The following MYT1L variants were observed in gnomAD, a reference collection of about 807,000 sequenced individuals.
The protein encoded by MYT1L is myelin transcription factor 1-like protein.
A neutral mutation model predicts 126.7 loss-of-function variants in MYT1L; 12 were observed. That is an observed-to-expected ratio of 0.09 (90% CI 0.06 to 0.15). The LOEUF (loss-of-function observed/expected upper bound fraction) is 0.15, where lower values mean the gene tolerates loss of function less well. MYT1L is among the 10% of genes least tolerant of loss of function. MYT1L has a pLI of 1.00. For missense variants in MYT1L, 979 were observed against 1,585.2 expected, an observed-to-expected ratio of 0.62 and a Z score of 6.49; for synonymous variants, 541 against 604.2, an observed-to-expected ratio of 0.90 and a Z score of 1.53.
chr2:1,962,313 T>C (rs1168645589), intron 8 of MYT1L, among the ~76,000 whole-genome samples: 2 of 152,212 alleles, frequency 1.3e-5, no homozygotes, highest in African/African-American at 4.8e-5. Context: ...CAAAAAGTTA[T>C]GGAATATTAA....
At chr2:1,959,929 T>A (rs1017232616) in intron 8 of MYT1L, among the ~76,000 whole-genome samples, 1 of 152,240 alleles carries the variant, frequency 6.6e-6, no homozygotes, top group Admixed American at 6.5e-5. Flanking sequence ...GTGCCATCCA[T>A]TGGCATGCAG....
rs2053027182 is a variant in MYT1L at position 1,917,567 on chromosome 2, GA to G, written c.1484-229del. Among the ~76,000 whole-genome samples the G allele has an allele frequency of 6.6e-6, 1 of 152,104 alleles. No individual in the cohort carries two copies. The highest frequency in any genetic ancestry group is 1.5e-5 in the Non-Finnish European group (1 of 68,008). On this transcript the variant is annotated intron_variant, in intron 10 of 24. Coordinates refer to ENST00000647738, the MANE Select transcript of MYT1L (RefSeq NM_001303052.2). The surrounding 1 kb of genome is among the most constrained non-coding windows in gnomAD (Gnocchi z 5.9). ...AAAGTATTTTAATTTTTATTCTAAA[GA>G]AAAGAAAAGCCTACCCCTCACCTTA...
At chr2:1,944,512 C>G (rs2057012105) in intron 8 of MYT1L, among the ~76,000 whole-genome samples, 1 of 152,116 alleles carries the variant, frequency 6.6e-6, no homozygotes, top group African/African-American at 2.4e-5. Context: ...CATTATTCTG[C>G]AGGGTGAGAG....
At chr2:2,104,213 G>A (rs1327720597) in intron 3 of MYT1L, among the ~76,000 whole-genome samples, 1 of 152,162 alleles carries the variant, frequency 6.6e-6, no homozygotes, top group Non-Finnish European at 1.5e-5. Context: ...CAAAATGCAT[G>A]AAATAACAAG....
chr2:1,972,743 T>C (rs1211206588), intron 8 of MYT1L, among the ~76,000 whole-genome samples: 1 of 152,196 alleles, frequency 6.6e-6, no homozygotes, highest in Non-Finnish European at 1.5e-5. Context: ...GCACCCACAC[T>C]GGCAGGCAAG....
At chr2:2,171,815 C>T (rs890385465) in intron 3 of MYT1L, among the ~76,000 whole-genome samples, 1 of 152,038 alleles carries the variant, frequency 6.6e-6, no homozygotes, top group African/African-American at 2.4e-5. Flanking sequence ...CACCCACAAG[C>T]TTGCAGCATA....
chr2:2,217,706 C>A (rs11334447), intron 2 of MYT1L, among the ~76,000 whole-genome samples: 25,177 of 86,636 alleles, frequency 0.29, 3,778 homozygotes, highest in African/African-American at 0.41. Context: ...ACAACAACAA[C>A]AAAAAAAAAA....
At chr2:2,230,773 C>T (rs1293400480) in intron 2 of MYT1L, among the ~76,000 whole-genome samples, 2 of 152,208 alleles carry the variant, frequency 1.3e-5, no homozygotes, top group African/African-American at 2.4e-5. Context: ...AAGCCATTTT[C>T]CCAGTCTTAC....
chr2:2,002,767 A>T (rs2062524106), intron 4 of MYT1L, among the ~76,000 whole-genome samples: 1 of 152,176 alleles, frequency 6.6e-6, no homozygotes, highest in African/African-American at 2.4e-5. Flanking sequence ...AAGTGGAGGT[A>T]ACTGGATCAC....
chr2:1,856,252 AC>A (rs1471843132), intron 18 of MYT1L, among the ~76,000 whole-genome samples: 1 of 151,894 alleles, frequency 6.6e-6, no homozygotes, highest in Non-Finnish European at 1.5e-5. Context: ...CTTGGACTTG[AC>A]CCCTTGTCCC....
chr2:1,811,196 GC>G lies in MYT1L; in HGVS notation c.3081-2030del, dbSNP rs2036574206. On this transcript the variant is annotated intron_variant, in intron 21 of 24. Transcript: ENST00000647738. The surrounding 1 kb of genome is among the most constrained non-coding windows in gnomAD (Gnocchi z 4.4). ...GGAATAAATTTCTGGTTTCTATGCT[GC>G]CCAAGGTATGGTATTTGTTTTTGCA... The G allele has an allele frequency of 6.6e-6, 1 of 152,166 alleles. No individual in the cohort carries two copies. The highest frequency in any genetic ancestry group is 6.5e-5 in the Admixed American group (1 of 15,280). 9.4% of individuals were successfully genotyped at this position (152,166 alleles called of 1,614,324 possible).
chr2:2,039,742 T>C (rs1044913799), intron 4 of MYT1L, among the ~76,000 whole-genome samples: 2 of 152,184 alleles, frequency 1.3e-5, no homozygotes, highest in Non-Finnish European at 2.9e-5. Flanking sequence ...CACACAGGCA[T>C]GCCTGCATCA....
intron 21 of MYT1L, among the ~76,000 whole-genome samples, chr2:1,832,555 T>C (rs2040333818): frequency 6.6e-6 from 1 of 152,224 alleles, no homozygotes; most frequent in Non-Finnish European, 1.5e-5. Context: ...TCCTCTAATC[T>C]GTCCTTCCTT....
At chr2:2,113,013 T>C (rs563881800) in intron 3 of MYT1L, among the ~76,000 whole-genome samples, 181 of 152,140 alleles carry the variant, frequency 1.2e-3, no homozygotes, top group Non-Finnish European at 2.0e-3. Flanking sequence ...AGCCACTGGG[T>C]GCTGCTGTGG....
chr2:1,987,317 TTGTTTTTTTTTTTC>T (rs1003210190), intron 5 of MYT1L, among the ~76,000 whole-genome samples: 50 of 151,932 alleles, frequency 3.3e-4, no homozygotes, highest in Admixed American at 2.9e-3. Context: ...TCTGTTTTTT[TTGTTTTTTTTTTTC>T]TGTTTTTTGT....
chr2:2,217,688 C>CAAAAAAAAAAAAAAAAAAAA lies in MYT1L; in HGVS notation c.-420-44701_-420-44700insTTTTTTTTTTTTTTTTTTTT. On this transcript the variant is annotated intron_variant, in intron 2 of 24. Transcript: ENST00000647738. ...TCCATCTCAACAACAACAACAACAACAACAACAACAACAACAACAAAAAAA... is the reference window on the plus strand; with the variant it reads ...TCCATCTCAACAACAACAACAACAACAAAAAAAAAAAAAAAAAAAAAACAACAACAACAACAACAAAAAAA... 2.8e-5 allele frequency among the ~76,000 whole-genome samples: 2 copies of CAAAAAAAAAAAAAAAAAAAA among 70,880 alleles called. 1 individual carries two copies. The highest frequency in any genetic ancestry group is 1.6e-4 in the African/African-American group (2 of 12,682). The allele number at this position is 70,880 out of a possible 152,430, so 46.5% of individuals were successfully genotyped here. A position where few individuals can be genotyped will look rare whatever the true frequency, so the allele number is the denominator to read the frequency against.
intron 4 of MYT1L, among the ~76,000 whole-genome samples, chr2:2,048,768 T>G (rs2068478489): frequency 6.6e-6 from 1 of 152,154 alleles, no homozygotes; most frequent in Admixed American, 6.5e-5. Context: ...TCCATCAGGG[T>G]GTCGCCTGAC....
At chr2:2,032,588 TAGA>T (rs1235023550) in intron 4 of MYT1L, among the ~76,000 whole-genome samples, 1 of 145,068 alleles carries the variant, frequency 6.9e-6, no homozygotes. Context: ...GAGAAGATTC[TAGA>T]AGGAGGGCCT....
At chr2:2,194,913 A>T (rs1371781813) in intron 2 of MYT1L, among the ~76,000 whole-genome samples, 1 of 152,240 alleles carries the variant, frequency 6.6e-6, no homozygotes, top group East Asian at 1.9e-4. Context: ...CTTAGACAAC[A>T]TCTACTCCAG....
Sources: gnomAD v4.1 joint callset for allele counts (sites outside exome capture counted in the v4.1 genomes callset) on GRCh38, gnomAD v4.1.1 for gene constraint, Gnocchi (gnomAD v3.1) non-coding constraint, MANE v1.5 for transcripts, NCBI Gene and HGNC (gene_info 2026-07-23, HGNC 2026-07-21) for gene names.